The following SHANK1 variants were observed in gnomAD, a reference collection of about 807,000 sequenced individuals.
The protein encoded by SHANK1 is SH3 and multiple ankyrin repeat domains protein 1.
In SHANK1, 35 loss-of-function variants were observed where a neutral mutation model predicts 165.6. The observed-to-expected ratio is 0.21, with a 90% CI of 0.16 to 0.28. The LOEUF (loss-of-function observed/expected upper bound fraction) is 0.28. SHANK1 is among the 10% of genes least tolerant of loss of function. The pLI is 1.00. For missense variants in SHANK1, 2,681 were observed against 3,036.4 expected (o/e 0.88, Z 2.75); for synonymous variants, 1,428 against 1,384.8 (o/e 1.03, Z -0.69).
At position 50,715,728 on chromosome 19, in the gene SHANK1, G is replaced by C; in HGVS notation, c.462C>G (p.Phe154Leu). The C allele has an allele frequency of 6.2e-7, 1 of 1,613,932 alleles. No homozygotes were observed. The highest frequency in any genetic ancestry group is 8.5e-7 in the Non-Finnish European group (1 of 1,179,878). ...GTTTGTAAACTCGGGTCTTGTATCG[G>C]AACTGAGGTCAAGGGTAGGGTAGTG... ...SFEKGVPYLE[F>L]RYKTRVYKQT... The change falls in exon 4 of 24, where the codon TTC becomes TTG. Residue 154 changes from phenylalanine to leucine, a missense_variant and splice_region_variant. By Grantham distance (22) the Phe-to-Leu change is conservative. Around this residue, in one of 10 missense-constraint regions of SHANK1, gnomAD observed 189 missense variants for 440.9 expected, o/e 0.43. Transcript: ENST00000293441.
rs529280829 is a variant in SHANK1 at position 50,665,864 on chromosome 19, T to G, written c.5768+328A>C. Among the ~76,000 whole-genome samples the G allele has an allele frequency of 3.4e-3, 487 of 143,382 alleles. 3 individuals are homozygous for G. The highest frequency in any genetic ancestry group is 7.2e-3 in the Middle Eastern group (2 of 278). The allele number at this position is 143,382 out of a possible 152,430, so 94.1% of individuals were successfully genotyped here. ...GCCTGACCAACATGGAGAAACCCCA[T>G]CTCTACTAAAAATACAAAATTAGCT... On this transcript the variant is annotated intron_variant, in intron 23 of 23. Transcript: ENST00000293441.
At position 50,702,292 on chromosome 19, in the gene SHANK1, T is replaced by C. The variant is rs564580912; in HGVS notation, c.1747+175A>G. Among the ~76,000 whole-genome samples the C allele has an allele frequency of 6.6e-6, 1 of 152,172 alleles. No individual in the cohort carries two copies. Among genetic ancestry groups the C allele is most frequent in the Non-Finnish European group, 1.5e-5 (1 of 67,982 alleles). Reference sequence around the variant, plus strand: ...ACTTCACTGCCTCCTGACAGGGTCATCTGAGCTACACTCTATGGTCCTCCA... The same window carrying C: ...ACTTCACTGCCTCCTGACAGGGTCACCTGAGCTACACTCTATGGTCCTCCA... On this transcript the variant is annotated intron_variant, in intron 12 of 23. Coordinates refer to ENST00000293441, the MANE Select transcript of SHANK1 (RefSeq NM_016148.5). The surrounding 1 kb of genome is among the most constrained non-coding windows in gnomAD (Gnocchi z 5.3).
intron 4 of SHANK1, 101 bp from the exon 5 acceptor site, chr19:50,714,391 A>G (rs910705575): frequency 1.1e-6 from 1 of 948,844 alleles, no homozygotes; most frequent in Non-Finnish European, 1.6e-6. Flanking sequence ...ACGTGGAGTC[A>G]CATACGCCAT....
chr19:50,712,545 A>G (rs1194450911), intron 6 of SHANK1, among the ~76,000 whole-genome samples: 1 of 152,202 alleles, frequency 6.6e-6, no homozygotes, highest in Non-Finnish European at 1.5e-5. Flanking sequence ...ATCTCAAAGA[A>G]GGGGCACAGC....
chr19:50,704,969 C>T (rs748732865), intron 8 of SHANK1, among the ~76,000 whole-genome samples: 7 of 151,576 alleles, frequency 4.6e-5, no homozygotes, highest in Non-Finnish European at 7.4e-5. Context: ...GTGGGAGGAT[C>T]GCTTGAGCTC....
At chr19:50,680,338 C>A (rs1355568156) in intron 21 of SHANK1, among the ~76,000 whole-genome samples, 1 of 152,076 alleles carries the variant, frequency 6.6e-6, no homozygotes, top group African/African-American at 2.4e-5. Flanking sequence ...TGCGCAGCCC[C>A]AGGAGGGAAC....
rs952062357 is a variant in SHANK1 at position 50,667,614 on chromosome 19, G to A, written c.4346C>T (p.Pro1449Leu). The part of the protein sequence containing the change: ...AARRSLLHRL[P>L]PTAPGVGPLL... ...GGGCCCCACCCCGGGAGCGGTGGGC[G>A]GCAGGCGGTGTAGCAGGGAACGCCG... Residue 1449 changes from proline to leucine, a missense_variant, in exon 23 of 24, where the codon CCG (proline) becomes CTG (leucine). By Grantham distance (98) the Pro-to-Leu change is moderately conservative. Coordinates refer to ENST00000293441, the MANE Select transcript of SHANK1 (RefSeq NM_016148.5). The surrounding 1 kb of genome is among the most constrained non-coding windows in gnomAD (Gnocchi z 5.7). 2 of 1,439,632 alleles carry A rather than the reference G, an allele frequency of 1.4e-6. No homozygotes were observed. Among genetic ancestry groups the A allele is most frequent in the Non-Finnish European group, 9.0e-7 (1 of 1,108,194 alleles). 89.2% of individuals were successfully genotyped at this position (1,439,632 alleles called of 1,614,324 possible).
At chr19:50,701,193 C>CTTT (rs34951143) in intron 12 of SHANK1, among the ~76,000 whole-genome samples, 2 of 101,144 alleles carry the variant, frequency 2.0e-5, no homozygotes, top group African/African-American at 4.1e-5. Context: ...AAAATGATGG[C>CTTT]TTTTTTTTTT....
chr19:50,667,880 G>C lies in SHANK1; in HGVS notation c.4080C>G (p.Arg1360=). Residue 1360 remains arginine (R), a synonymous_variant, in exon 23 of 24, where the codon CGC becomes CGG. Transcript: ENST00000293441. The surrounding 1 kb of genome is among the most constrained non-coding windows in gnomAD (Gnocchi z 5.7). The part of the protein sequence containing the change: ...ASPLGLALAA[R]ERALKESSEG... ...CCGAGGACTCCTTCAGCGCTCGCTC[G>C]CGGGCGGCCAGGGCCAGCCCCAGCG... 1 of 1,316,572 alleles carries C rather than the reference G, an allele frequency of 7.6e-7. No individual in the cohort carries two copies. The highest frequency in any genetic ancestry group is 9.6e-7 in the Non-Finnish European group (1 of 1,036,858). The allele number at this position is 1,316,572 out of a possible 1,614,324, so 81.6% of individuals were successfully genotyped here. A position where few individuals can be genotyped will look rare whatever the true frequency, so the allele number is the denominator to read the frequency against.
At chr19:50,695,359 C>G (rs1468908866) in intron 15 of SHANK1, among the ~76,000 whole-genome samples, 8 of 144,368 alleles carry the variant, frequency 5.5e-5, no homozygotes, top group African/African-American at 2.1e-4. Context: ...GCGGCGGGCG[C>G]GAGGCTTAAC....
intron 23 of SHANK1, among the ~76,000 whole-genome samples, chr19:50,665,660 C>T (rs1985460467): frequency 6.8e-6 from 1 of 147,764 alleles, no homozygotes; most frequent in African/African-American, 2.5e-5. Flanking sequence ...TTGCTTGAGC[C>T]CAGGAGTTTG....
chr19:50,661,665 C>T lies in SHANK1; in HGVS notation c.*300G>A, dbSNP rs1279774380. Among the ~76,000 whole-genome samples the T allele has an allele frequency of 6.6e-6, 1 of 151,974 alleles. No individual in the cohort carries two copies. Among genetic ancestry groups the T allele is most frequent in the African/African-American group, 2.4e-5 (1 of 41,366 alleles). On this transcript the variant is annotated 3_prime_UTR_variant, in exon 24 of 24. Transcript: ENST00000293441. Reference sequence around the variant, plus strand: ...CCCTCTATGGCTCTGTCTATCCCCTCCCCCCAGAATAGGCCCTTCCCTCCT... The same window carrying T: ...CCCTCTATGGCTCTGTCTATCCCCTTCCCCCAGAATAGGCCCTTCCCTCCT...
At chr19:50,698,081 C>T in intron 12 of SHANK1, 125 bp from the exon 13 acceptor site, 1 of 702,044 alleles carries the variant, frequency 1.4e-6, no homozygotes, top group Admixed American at 2.2e-5. Context: ...CCTTAATAAA[C>T]ATCTGAGGAA....
chr19:50,671,127 C>T (rs1985775958), intron 22 of SHANK1, among the ~76,000 whole-genome samples: 1 of 150,652 alleles, frequency 6.6e-6, no homozygotes, highest in Non-Finnish European at 1.5e-5. Flanking sequence ...GCACCCTGCC[C>T]CCTACCCAGC....
chr19:50,692,828 C>T (rs1369346869), intron 15 of SHANK1, among the ~76,000 whole-genome samples: 1 of 148,462 alleles, frequency 6.7e-6, no homozygotes, highest in East Asian at 2.0e-4. Context: ...CCCTGACTCC[C>T]ACAAGCCCTC....
chr19:50,701,363 T>G (rs1359057621), intron 12 of SHANK1, among the ~76,000 whole-genome samples: 5 of 151,164 alleles, frequency 3.3e-5, no homozygotes, highest in Admixed American at 2.0e-4. Context: ...TTTTTTTTTT[T>G]TGTATTTTTA....
At chr19:50,665,110 A>G (rs1010661269) in intron 23 of SHANK1, among the ~76,000 whole-genome samples, 1 of 152,192 alleles carries the variant, frequency 6.6e-6, no homozygotes, top group Non-Finnish European at 1.5e-5. Flanking sequence ...TGATGGGCAG[A>G]GACAACAGAA....
intron 21 of SHANK1, among the ~76,000 whole-genome samples, chr19:50,681,008 G>A (rs1370279663): frequency 6.6e-6 from 1 of 152,018 alleles, no homozygotes. Context: ...GTGCAGACCT[G>A]ATCCAAGAAG....
At chr19:50,707,629 C>T (rs564814344) in intron 8 of SHANK1, among the ~76,000 whole-genome samples, 6 of 150,780 alleles carry the variant, frequency 4.0e-5, no homozygotes, top group South Asian at 2.1e-4. Context: ...GGCGTGATCT[C>T]GGCTCACTGC....
Sources: gnomAD v4.1 joint callset for allele counts (sites outside exome capture counted in the v4.1 genomes callset) on GRCh38, gnomAD v4.1.1 for gene constraint, gnomAD v4.1.1 regional missense constraint, Gnocchi (gnomAD v3.1) non-coding constraint, MANE v1.5 for transcripts, NCBI Gene and HGNC (gene_info 2026-07-23, HGNC 2026-07-21) for gene names.